ACAP2: variants seen among roughly 807,000 people sequenced by gnomAD.
The protein encoded by ACAP2 is arf-GAP with coiled-coil, ANK repeat and PH domain-containing protein 2.
A neutral mutation model predicts 115.8 loss-of-function variants in ACAP2; 39 were observed. The ratio of observed to expected loss-of-function variants is 0.34; its 90% confidence interval spans 0.26 to 0.44. ACAP2 has a LOEUF of 0.44. ACAP2 is among the 20% of genes least tolerant of loss of function. ACAP2 has a pLI of 1.00. For synonymous variants in ACAP2, 289 were observed against 315.8 expected (o/e 0.92, Z 0.90); for missense variants, 662 against 927.6 (o/e 0.71, Z 3.72).
chr3:195,307,364 G>T lies in ACAP2; in HGVS notation c.910-41C>A, dbSNP rs374537213. 3.8e-4 allele frequency: 457 copies of T among 1,204,062 alleles called. 2 individuals carry two copies. In the Middle Eastern group the frequency reaches 0.012, roughly 30 times the overall value. 74.6% of individuals were successfully genotyped at this position (1,204,062 alleles called of 1,614,324 possible). A position where few individuals can be genotyped will look rare whatever the true frequency, so the allele number is the denominator to read the frequency against. ...CAAATTTCCATATTTTTCCACTTAGGTTTTAATACTACCAATAATGAAATA... is the reference window on the plus strand; with the variant it reads ...CAAATTTCCATATTTTTCCACTTAGTTTTTAATACTACCAATAATGAAATA... On this transcript the variant is annotated intron_variant, in intron 11 of 22. Transcript: ENST00000326793.
chr3:195,311,389 G>GC (rs1422116438), intron 10 of ACAP2, among the ~76,000 whole-genome samples: 1 of 151,976 alleles, frequency 6.6e-6, no homozygotes, highest in Non-Finnish European at 1.5e-5. Flanking sequence ...GAGCCACCAC[G>GC]CCCGGCCCTA....
At chr3:195,314,460 G>T (rs1305123738) in intron 10 of ACAP2, among the ~76,000 whole-genome samples, 9 of 152,082 alleles carry the variant, frequency 5.9e-5, no homozygotes, top group Admixed American at 3.3e-4. Context: ...TAGAGACAGG[G>T]TTCTCGCCAT....
chr3:195,318,951 G>A (rs565735122), intron 10 of ACAP2, among the ~76,000 whole-genome samples: 95 of 152,284 alleles, frequency 6.2e-4, no homozygotes, highest in African/African-American at 2.2e-3. Flanking sequence ...AGAAACCTAG[G>A]AGGGAAAAAA....
intron 1 of ACAP2, among the ~76,000 whole-genome samples, chr3:195,399,734 C>T (rs1359198160): frequency 2.6e-5 from 4 of 151,938 alleles, no homozygotes; most frequent in Admixed American, 6.6e-5. Context: ...GCAACCAAAT[C>T]ACAGCACAAG....
chr3:195,326,196 A>G (rs1005634001), intron 9 of ACAP2: 4 of 152,226 alleles, frequency 2.6e-5, no homozygotes, highest in Admixed American at 6.5e-5. Context: ...GTGCGTACTT[A>G]TATTTCTATA....
chr3:195,419,301 T>C (rs1000080714), intron 1 of ACAP2: 1 of 152,178 alleles, frequency 6.6e-6, no homozygotes, highest in African/African-American at 2.4e-5. Context: ...GATCGGCCTA[T>C]ATGCAACATT....
intron 8 of ACAP2, among the ~76,000 whole-genome samples, chr3:195,328,284 T>C (rs141529627): frequency 4.2e-4 from 64 of 152,304 alleles, no homozygotes; most frequent in African/African-American, 1.5e-3. Flanking sequence ...CATTTTAAGT[T>C]ATATTTTTTT....
At chr3:195,414,653 G>A (rs1191954052) in intron 1 of ACAP2, among the ~76,000 whole-genome samples, 1 of 152,058 alleles carries the variant, frequency 6.6e-6, no homozygotes, top group Non-Finnish European at 1.5e-5. Context: ...ATCAAAAATA[G>A]AAAACACAAA....
At chr3:195,287,170 A>G (rs1268131189) in intron 21 of ACAP2, among the ~76,000 whole-genome samples, 1 of 152,218 alleles carries the variant, frequency 6.6e-6, no homozygotes, top group Non-Finnish European at 1.5e-5. Context: ...AGCCCAGGGT[A>G]AGTGAATAAG....
At chr3:195,359,559 C>T (rs909788116) in intron 4 of ACAP2, among the ~76,000 whole-genome samples, 11 of 152,306 alleles carry the variant, frequency 7.2e-5, no homozygotes, top group African/African-American at 2.2e-4. Flanking sequence ...GCTCTGCCTC[C>T]GGGGTTCACG....
rs546798298 is a variant in ACAP2, at chr3:195,342,083, C to A, written c.528+388G>T. Among the ~76,000 whole-genome samples the A allele has an allele frequency of 8.5e-4, 129 of 152,264 alleles. 1 individual carries two copies. The Middle Eastern group carries it at 0.01, about 12-fold the overall frequency. ...GTGACAGATACAATAAAAGCCCACA[C>A]TTCACCACTATGCAATTCACCATGT... On this transcript the variant is annotated intron_variant, in intron 6 of 22. Transcript: ENST00000326793.
At chr3:195,317,752 C>T (rs1439469931) in intron 10 of ACAP2, among the ~76,000 whole-genome samples, 6 of 152,130 alleles carry the variant, frequency 3.9e-5, no homozygotes. Context: ...AAAGGAGCAT[C>T]AACTGCCACA....
intron 1 of ACAP2, among the ~76,000 whole-genome samples, chr3:195,409,104 G>GA (rs61212970): frequency 0.35 from 43,279 of 125,040 alleles, 7,231 homozygotes; most frequent in East Asian, 0.81. Flanking sequence ...GCAAGAAAAA[G>GA]AAAAAAAAAA....
chr3:195,436,554 A>G (rs1316966884), intron 1 of ACAP2, among the ~76,000 whole-genome samples: 1 of 152,150 alleles, frequency 6.6e-6, no homozygotes, highest in African/African-American at 2.4e-5. Context: ...CTTTCAACCT[A>G]TTTATGTCCT....
intron 8 of ACAP2, 139 bp downstream of exon 8, chr3:195,332,889 C>G: frequency 1.8e-6 from 1 of 548,078 alleles, no homozygotes; most frequent in Non-Finnish European, 3.1e-6. Flanking sequence ...AAACCTCTTT[C>G]CTTTCTAGAT....
chr3:195,314,608 C>T (rs780012485), intron 10 of ACAP2, among the ~76,000 whole-genome samples: 19 of 152,052 alleles, frequency 1.2e-4, no homozygotes, highest in East Asian at 9.6e-4. Flanking sequence ...TAAGACTCTA[C>T]GCAATAATTC....
chr3:195,297,846 T>G (rs1727755781), intron 15 of ACAP2, among the ~76,000 whole-genome samples: 1 of 152,222 alleles, frequency 6.6e-6, no homozygotes, highest in South Asian at 2.1e-4. Context: ...TTCCAAATTC[T>G]TTTAGATTTT....
At chr3:195,290,163 G>T (rs1727145047) in intron 20 of ACAP2, among the ~76,000 whole-genome samples, 1 of 152,142 alleles carries the variant, frequency 6.6e-6, no homozygotes, top group Admixed American at 6.5e-5. Flanking sequence ...CTTGAGGTCA[G>T]AAGTTCAAGA....
At chr3:195,307,138 A>C in intron 12 of ACAP2, 85 bp downstream of exon 12, 1 of 1,080,930 alleles carries the variant, frequency 9.3e-7, no homozygotes, top group African/African-American at 1.6e-5. Flanking sequence ...ATACAGACAA[A>C]TGCAAATTTC....
Sources: gnomAD v4.1 joint callset for allele counts (sites outside exome capture counted in the v4.1 genomes callset) on GRCh38, gnomAD v4.1.1 for gene constraint, MANE v1.5 for transcripts, NCBI Gene and HGNC (gene_info 2026-07-23, HGNC 2026-07-21) for gene names.